Variants in DTWD2 observed in about 807,000 individuals in gnomAD.
DTWD2 encodes DTW motif tRNA-uridine aminocarboxypropyltransferase 2, also known as tRNA-uridine aminocarboxypropyltransferase 2.
DTWD2 carries 39 observed loss-of-function variants against 31.8 expected under a neutral mutation model. That is an observed-to-expected ratio of 1.22 (90% CI 0.95 to 1.60). The LOEUF is 1.60. Ranked by LOEUF, DTWD2 falls within the 40% of genes most tolerant of loss-of-function variation. The probability of loss-of-function intolerance (pLI) is 0.00; values close to 1 mark genes in which losing one functional copy is unlikely to be tolerated. For missense variants in DTWD2, 515 were observed against 381.5 expected (o/e 1.35, Z -2.92); for synonymous variants, 180 against 142.8 (o/e 1.26, Z -1.86).
chr5:118,898,923 G>A (rs1753143636), intron 4 of DTWD2, among the ~76,000 whole-genome samples: 3 of 152,142 alleles, frequency 2.0e-5, no homozygotes, highest in Admixed American at 2.0e-4. Flanking sequence ...GATATTATTT[G>A]CCAATTCTGT....
intron 1 of DTWD2, among the ~76,000 whole-genome samples, chr5:118,979,655 T>C (rs551813443): frequency 1.3e-5 from 2 of 152,330 alleles, no homozygotes; most frequent in African/African-American, 2.4e-5. Flanking sequence ...GCATACATCA[T>C]AGAATACTAT....
chr5:118,913,849 G>C (rs1753515038), intron 4 of DTWD2, among the ~76,000 whole-genome samples: 1 of 152,002 alleles, frequency 6.6e-6, no homozygotes, highest in Non-Finnish European at 1.5e-5. Context: ...TAATAAACTT[G>C]ATAAAATACA....
chr5:118,855,147 A>G (rs527772503), intron 4 of DTWD2, among the ~76,000 whole-genome samples: 1 of 150,604 alleles, frequency 6.6e-6, no homozygotes, highest in Non-Finnish European at 1.5e-5. Context: ...AGCCTGGATG[A>G]CAGAGCAAAA....
chr5:118,900,844 G>T (rs914198360), intron 4 of DTWD2, among the ~76,000 whole-genome samples: 8 of 151,060 alleles, frequency 5.3e-5, no homozygotes, highest in African/African-American at 1.7e-4. Flanking sequence ...AGAATGGGGT[G>T]AACCCAGGAG....
At chr5:118,960,070 A>T (rs192913313) in intron 1 of DTWD2, among the ~76,000 whole-genome samples, 27 of 152,372 alleles carry the variant, frequency 1.8e-4, no homozygotes, top group African/African-American at 6.5e-4. Context: ...AAGCAACTGC[A>T]ACAAAAATTA....
intron 2 of DTWD2, among the ~76,000 whole-genome samples, chr5:118,941,340 C>T (rs1282531692): frequency 6.6e-6 from 1 of 152,170 alleles, no homozygotes; most frequent in Non-Finnish European, 1.5e-5. Flanking sequence ...CCTCACCCTA[C>T]AACAGGCCCC....
At chr5:118,967,774 G>A (rs1402199752) in intron 1 of DTWD2, among the ~76,000 whole-genome samples, 1 of 152,150 alleles carries the variant, frequency 6.6e-6, no homozygotes, top group Non-Finnish European at 1.5e-5. Flanking sequence ...TAGAAAGAAT[G>A]GGGAAAATAG....
Position 118,840,739 on chromosome 5 carries a change from G to A in DTWD2, c.*178C>T. ...GGAAATCCTGCTTTTCAGTGAGCCA[G>A]TGAATTTCTGTTTATTTGTATTTAT... On this transcript the variant is annotated 3_prime_UTR_variant, in exon 6 of 6. Coordinates refer to ENST00000510708, the MANE Select transcript of DTWD2 (RefSeq NM_173666.4). 3.4e-6 allele frequency: 2 copies of A among 590,810 alleles called. No homozygotes were observed. Among genetic ancestry groups the A allele is most frequent in the Non-Finnish European group, 5.0e-6 (2 of 397,664 alleles). The allele number at this position is 590,810 out of a possible 1,614,324, so 36.6% of individuals were successfully genotyped here.
rs371004417 is a variant in DTWD2 at position 118,838,280 on chromosome 5, G to A, written c.*2637C>T. 6.6e-5 allele frequency: 10 copies of A among 151,968 alleles called. No homozygotes were observed. In the East Asian group the frequency reaches 1.9e-3, roughly 29 times the overall value. 9.4% of individuals were successfully genotyped at this position (151,968 alleles called of 1,614,324 possible). A position where few individuals can be genotyped will look rare whatever the true frequency, so the allele number is the denominator to read the frequency against. Reference sequence around the variant, plus strand: ...TGTATGAGGAAATACTATTCTCTGAGTTACACGGTTCAAATAACTCACAAA... The same window carrying A: ...TGTATGAGGAAATACTATTCTCTGAATTACACGGTTCAAATAACTCACAAA... On this transcript the variant is annotated 3_prime_UTR_variant, in exon 6 of 6. Transcript: ENST00000510708.
chr5:118,851,218 C>CAAAAAAA (rs35541408), intron 4 of DTWD2, among the ~76,000 whole-genome samples: 6 of 81,950 alleles, frequency 7.3e-5, no homozygotes, highest in Admixed American at 1.3e-4. Context: ...GACCCTATCT[C>CAAAAAAA]AAAAAAAAAA....
At chr5:118,923,084 G>A (rs1307131057) in intron 4 of DTWD2, among the ~76,000 whole-genome samples, 1 of 151,464 alleles carries the variant, frequency 6.6e-6, no homozygotes, top group Non-Finnish European at 1.5e-5. Context: ...TCATTTCAGT[G>A]AAATGATAAT....
At chr5:118,923,525 T>G (rs1178709110) in intron 4 of DTWD2, among the ~76,000 whole-genome samples, 2 of 152,166 alleles carry the variant, frequency 1.3e-5, no homozygotes, top group Admixed American at 1.3e-4. Flanking sequence ...AGGGAGGCAC[T>G]GCGCATGCGG....
intron 1 of DTWD2, among the ~76,000 whole-genome samples, chr5:118,975,691 T>C (rs1755138229): frequency 6.6e-6 from 1 of 152,102 alleles, no homozygotes; most frequent in South Asian, 2.1e-4. Flanking sequence ...TTGACGCTGG[T>C]GACCTTTGGA....
At chr5:118,973,146 G>A (rs1160245393) in intron 1 of DTWD2, among the ~76,000 whole-genome samples, 1 of 143,864 alleles carries the variant, frequency 7.0e-6, no homozygotes, top group Non-Finnish European at 1.5e-5. Context: ...GCCTATGTGT[G>A]TCTTTGCACG....
intron 3 of DTWD2, among the ~76,000 whole-genome samples, chr5:118,933,160 G>A (rs1310705108): frequency 6.6e-6 from 1 of 152,078 alleles, no homozygotes; most frequent in Non-Finnish European, 1.5e-5. Flanking sequence ...TAAAGAAATT[G>A]AATCGATAAT....
chr5:118,959,949 T>C (rs1055926064), intron 1 of DTWD2, among the ~76,000 whole-genome samples: 5 of 152,170 alleles, frequency 3.3e-5, no homozygotes, highest in African/African-American at 1.2e-4. Context: ...TCAATCAAGA[T>C]GGATTAAAAA....
chr5:118,848,043 C>A, intron 5 of DTWD2, 47 bp downstream of exon 5: 2 of 1,449,784 alleles, frequency 1.4e-6, no homozygotes, highest in Non-Finnish European at 1.8e-6. Flanking sequence ...TAGGTAAAAT[C>A]TAAGAAAACT....
At position 118,838,697 on chromosome 5, in the gene DTWD2, T is replaced by C. The variant is rs1353310763; in HGVS notation, c.*2220A>G. 4 of 152,086 alleles carry C rather than the reference T, an allele frequency of 2.6e-5. No individual in the cohort carries two copies. Among genetic ancestry groups the C allele is most frequent in the African/African-American group, 2.4e-5 (1 of 41,426 alleles). 9.4% of individuals were successfully genotyped at this position (152,086 alleles called of 1,614,324 possible). A position where few individuals can be genotyped will look rare whatever the true frequency, so the allele number is the denominator to read the frequency against. On this transcript the variant is annotated 3_prime_UTR_variant, in exon 6 of 6. Coordinates refer to ENST00000510708, the MANE Select transcript of DTWD2 (RefSeq NM_173666.4). Reference sequence around the variant, plus strand: ...AGGTCAGTAAAGTAATTTGGAAAACTATACATACTTCAAGAAAATTTTATA... The same window carrying C: ...AGGTCAGTAAAGTAATTTGGAAAACCATACATACTTCAAGAAAATTTTATA...
intron 4 of DTWD2, among the ~76,000 whole-genome samples, chr5:118,851,012 C>T (rs1027732718): frequency 4.0e-5 from 6 of 151,898 alleles, no homozygotes; most frequent in Non-Finnish European, 7.4e-5. Flanking sequence ...TTTCGGAGGC[C>T]GAGGTGGGTG....
Sources: allele counts gnomAD v4.1 joint callset (sites outside exome capture counted in the v4.1 genomes callset), GRCh38; gene constraint gnomAD v4.1.1; transcripts MANE v1.5; gene names NCBI Gene and HGNC (gene_info 2026-07-23, HGNC 2026-07-21).